ADGRV1: variants seen among roughly 807,000 people sequenced by gnomAD.
ADGRV1 encodes the protein G-protein coupled receptor 98.
ADGRV1 carries 359 observed loss-of-function variants against 596.2 expected under a neutral mutation model. The ratio of observed to expected loss-of-function variants is 0.60; its 90% CI spans 0.55 to 0.66. ADGRV1 has a LOEUF of 0.66. Ranked by LOEUF, ADGRV1 falls within the 30% of genes least tolerant of loss-of-function variation. The pLI is 0.00. For synonymous variants in ADGRV1, 2,681 were observed against 2,679.2 expected (o/e 1.00, Z -0.02); for missense variants, 7,274 against 7,575.6 (o/e 0.96, Z 1.48).
chr5:90,981,955 C>T (rs1400249883), intron 84 of ADGRV1, among the ~76,000 whole-genome samples: 2 of 125,808 alleles, frequency 1.6e-5, no homozygotes, highest in African/African-American at 3.6e-5. Context: ...CATTGATTCA[C>T]CAAAACCTGG....
At chr5:90,639,342 G>A (rs954735748) in intron 11 of ADGRV1, among the ~76,000 whole-genome samples, 3 of 152,178 alleles carry the variant, frequency 2.0e-5, no homozygotes, top group African/African-American at 7.2e-5. Context: ...GTGGGAATCT[G>A]TAGAAACTTT....
chr5:91,089,589 A>G (rs1038504869), intron 86 of ADGRV1, among the ~76,000 whole-genome samples: 1 of 152,170 alleles, frequency 6.6e-6, no homozygotes, highest in African/African-American at 2.4e-5. Flanking sequence ...ATGATAACTC[A>G]TTCAAATATT....
intron 83 of ADGRV1, among the ~76,000 whole-genome samples, chr5:90,952,300 C>T (rs188485812): frequency 3.9e-5 from 6 of 152,316 alleles, no homozygotes; most frequent in Non-Finnish European, 5.9e-5. Flanking sequence ...TTCAAAACAA[C>T]TGATTGTCTA....
chr5:91,052,814 C>T (rs1208136191), intron 85 of ADGRV1, among the ~76,000 whole-genome samples: 2 of 152,108 alleles, frequency 1.3e-5, no homozygotes, highest in Non-Finnish European at 2.9e-5. Context: ...AGAAACTTTT[C>T]TGTATCAATA....
intron 87 of ADGRV1, among the ~76,000 whole-genome samples, chr5:91,125,540 C>T (rs1005335421): frequency 6.6e-6 from 1 of 152,172 alleles, no homozygotes; most frequent in African/African-American, 2.4e-5. Flanking sequence ...TAGAGTTAGA[C>T]TTGGAATCAG....
intron 1 of ADGRV1, among the ~76,000 whole-genome samples, chr5:90,575,224 A>G (rs549520652): frequency 6.6e-6 from 1 of 152,008 alleles, no homozygotes; most frequent in African/African-American, 2.4e-5. Flanking sequence ...TACTTTTAAA[A>G]AAGACATTTT....
intron 54 of ADGRV1, among the ~76,000 whole-genome samples, chr5:90,754,165 A>G (rs1032625321): frequency 6.6e-5 from 10 of 152,102 alleles, no homozygotes; most frequent in African/African-American, 2.4e-4. Flanking sequence ...TTTTCTATAG[A>G]TTTTCACTAG....
rs866257693 is a variant in ADGRV1, at chr5:90,580,297, G to A, written c.22+21380G>A. On this transcript the variant is annotated intron_variant, in intron 1 of 89. Coordinates refer to ENST00000405460, the MANE Select transcript of ADGRV1 (RefSeq NM_032119.4). Reference sequence around the variant, plus strand: ...GTGGTTACTTCAGGAGCTCTTGTAAGGCAGGCCTGGTGGTGACAAAATCTC... The same window carrying A: ...GTGGTTACTTCAGGAGCTCTTGTAAAGCAGGCCTGGTGGTGACAAAATCTC... Among the ~76,000 whole-genome samples the A allele has an allele frequency of 8.5e-5, 13 of 152,272 alleles. No individual in the cohort carries two copies. In the South Asian group the frequency reaches 2.7e-3, roughly 32 times the overall value.
intron 50 of ADGRV1, among the ~76,000 whole-genome samples, chr5:90,733,193 G>A (rs1310756467): frequency 1.3e-5 from 2 of 152,214 alleles, no homozygotes; most frequent in Non-Finnish European, 2.9e-5. Flanking sequence ...AGCACTTGAT[G>A]TCTGTTCAAA....
chr5:90,614,154 T>TG (rs1339484932), intron 1 of ADGRV1: 2 of 265,202 alleles, frequency 7.5e-6, no homozygotes, highest in Admixed American at 6.8e-5. Context: ...CATATCATAG[T>TG]GAAAAAAAAA....
In ADGRV1 at chr5:90,683,878, G is replaced by A. The variant is rs1561520423; in HGVS notation, c.5957G>A (p.Arg1986Lys). The part of the protein sequence containing the change: ...YGIFIFSEKN[R>K]PVKVEEATQN... ...ATATTCATTTTTTCTGAGAAAAACA[G>A]ACCTGTTAAAGTTGAGGAAGCAACC... The change falls in exon 28 of 90, where the codon AGA becomes AAA. Residue 1986 changes from arginine to lysine, a missense_variant. Physicochemically the swap from Arg to Lys is conservative, Grantham distance 26. Transcript: ENST00000405460. The A allele has an allele frequency of 6.2e-7, 1 of 1,613,338 alleles. No homozygotes were observed. The highest frequency in any genetic ancestry group is 8.5e-7 in the Non-Finnish European group (1 of 1,179,640).
At chr5:90,658,834 G>A (rs1015286832) in intron 21 of ADGRV1, among the ~76,000 whole-genome samples, 2 of 151,822 alleles carry the variant, frequency 1.3e-5, no homozygotes, top group Non-Finnish European at 2.9e-5. Context: ...TCAAAGATTC[G>A]TAATCATCTT....
At chr5:91,111,601 G>T (rs577163488) in intron 87 of ADGRV1, among the ~76,000 whole-genome samples, 2 of 152,122 alleles carry the variant, frequency 1.3e-5, no homozygotes, top group Non-Finnish European at 2.9e-5. Context: ...CAGTTACAGA[G>T]GACTAATTGT....
chr5:90,896,538 G>A (rs185254698), intron 83 of ADGRV1, among the ~76,000 whole-genome samples: 1 of 152,152 alleles, frequency 6.6e-6, no homozygotes, highest in African/African-American at 2.4e-5. Context: ...GCCTCCCAAA[G>A]TGCTGGAACT....
intron 83 of ADGRV1, among the ~76,000 whole-genome samples, chr5:90,937,244 T>A (rs1192243626): frequency 1.3e-5 from 2 of 152,180 alleles, no homozygotes; most frequent in Non-Finnish European, 2.9e-5. Flanking sequence ...ACTTTTCATA[T>A]ACTTTTACTA....
chr5:90,680,367 A>T (rs900250378), intron 26 of ADGRV1, among the ~76,000 whole-genome samples: 2 of 152,080 alleles, frequency 1.3e-5, no homozygotes, highest in Admixed American at 6.6e-5. Flanking sequence ...AGAAAAAAAA[A>T]AAAGAAAGAA....
intron 78 of ADGRV1, among the ~76,000 whole-genome samples, chr5:90,844,217 TC>T (rs1172171873): frequency 6.6e-6 from 1 of 152,210 alleles, no homozygotes; most frequent in Non-Finnish European, 1.5e-5. Context: ...GAATAGAACT[TC>T]CAAGTACTGG....
chr5:90,565,610 A>G (rs1755540825), intron 1 of ADGRV1, among the ~76,000 whole-genome samples: 1 of 152,154 alleles, frequency 6.6e-6, no homozygotes, highest in Non-Finnish European at 1.5e-5. Flanking sequence ...CATTGGTTTT[A>G]CTTTTTGACT....
chr5:90,823,109 G>A (rs1426574677), intron 75 of ADGRV1, among the ~76,000 whole-genome samples: 5 of 152,064 alleles, frequency 3.3e-5, no homozygotes, highest in African/African-American at 4.8e-5. Flanking sequence ...TTCCTAATTG[G>A]ATGCCCTTTA....
Sources: allele counts gnomAD v4.1 joint callset (sites outside exome capture counted in the v4.1 genomes callset), GRCh38; gene constraint gnomAD v4.1.1; transcripts MANE v1.5; gene names NCBI Gene and HGNC (gene_info 2026-07-23, HGNC 2026-07-21).